The following BMP2K variants were observed in gnomAD, a reference collection of about 807,000 sequenced individuals.
BMP2K encodes the protein BMP-2-inducible protein kinase.
A neutral mutation model predicts 116.0 loss-of-function variants in BMP2K; 74 were observed. The ratio of observed to expected loss-of-function variants is 0.64; its 90% CI spans 0.53 to 0.77. The LOEUF (loss-of-function observed/expected upper bound fraction) is 0.77. BMP2K is among the 30% of genes least tolerant of loss of function. The pLI is 0.00. For missense variants in BMP2K, 1,365 were observed against 1,403.6 expected (o/e 0.97, Z 0.44); for synonymous variants, 486 against 502.5 (o/e 0.97, Z 0.44).
At chr4:78,864,911 A>G (rs1429030568) in intron 9 of BMP2K, among the ~76,000 whole-genome samples, 2 of 152,054 alleles carry the variant, frequency 1.3e-5, no homozygotes, top group Non-Finnish European at 2.9e-5. Flanking sequence ...TTCTCAAATT[A>G]TATTTATTGT....
At chr4:78,776,804 G>C in intron 1 of BMP2K, 83 bp downstream of exon 1, 1 of 1,147,724 alleles carries the variant, frequency 8.7e-7, no homozygotes, top group Non-Finnish European at 1.1e-6. Flanking sequence ...CTCGCCCTCC[G>C]GACTGACTCT....
At chr4:78,895,824 T>C (rs905944535) in intron 15 of BMP2K, among the ~76,000 whole-genome samples, 4 of 152,118 alleles carry the variant, frequency 2.6e-5, no homozygotes, top group African/African-American at 9.7e-5. Flanking sequence ...TGCAGTGGCA[T>C]GATCACGGTT....
At chr4:78,797,109 T>C (rs1418728015) in intron 1 of BMP2K, among the ~76,000 whole-genome samples, 3 of 152,200 alleles carry the variant, frequency 2.0e-5, no homozygotes, top group African/African-American at 7.2e-5. Context: ...ATTGTAATTT[T>C]GGGGAGTCTT....
chr4:78,886,639 A>G (rs1733104262), intron 14 of BMP2K, among the ~76,000 whole-genome samples: 2 of 152,138 alleles, frequency 1.3e-5, no homozygotes, highest in Admixed American at 1.3e-4. Flanking sequence ...TTGTGAGTGT[A>G]CGTGGGGGCA....
At position 78,916,208 on chromosome 4, in the gene BMP2K, TTGCCTTTAC is replaced by T. The variant is rs1560565989; in HGVS notation, c.*4176_*4184del. 2 of 151,968 alleles carry T rather than the reference TTGCCTTTAC, an allele frequency of 1.3e-5. No individual in the cohort carries two copies. The highest frequency in any genetic ancestry group is 1.3e-4 in the Admixed American group (2 of 15,208). 9.4% of individuals were successfully genotyped at this position (151,968 alleles called of 1,614,324 possible). ...AGCACTAACTGATTTTATTACTTTA[TTGCCTTTAC>T]ACTGCTTATTCTTTTTGACTGAATT... is the stretch of plus-strand genomic sequence containing the variant. On this transcript the variant is annotated 3_prime_UTR_variant, in exon 16 of 16. Coordinates refer to ENST00000502613, the MANE Select transcript of BMP2K (RefSeq NM_198892.2).
chr4:78,808,709 C>G (rs1377777349), intron 1 of BMP2K, among the ~76,000 whole-genome samples: 2 of 152,068 alleles, frequency 1.3e-5, no homozygotes, highest in African/African-American at 4.8e-5. Flanking sequence ...GTGATTGCTT[C>G]TTTGATGCAT....
intron 3 of BMP2K, among the ~76,000 whole-genome samples, chr4:78,840,335 C>T (rs1433820176): frequency 1.3e-5 from 2 of 151,886 alleles, no homozygotes; most frequent in African/African-American, 4.8e-5. Context: ...AGAGTGAAAA[C>T]AGAGCTCCCA....
chr4:78,904,548 A>T (rs570933480), intron 15 of BMP2K, among the ~76,000 whole-genome samples: 1 of 152,062 alleles, frequency 6.6e-6, no homozygotes, highest in East Asian at 1.9e-4. Context: ...TTAATAAATT[A>T]CCCAGATCTG....
intron 4 of BMP2K, 41 bp downstream of exon 4, chr4:78,842,568 G>C: frequency 6.7e-7 from 1 of 1,487,364 alleles, no homozygotes; most frequent in Non-Finnish European, 9.1e-7. Context: ...TAATAAGTTG[G>C]AGTTAAAATG....
At chr4:78,816,745 G>A (rs1433602810) in intron 1 of BMP2K, among the ~76,000 whole-genome samples, 1 of 151,978 alleles carries the variant, frequency 6.6e-6, no homozygotes, top group Non-Finnish European at 1.5e-5. Context: ...TTATAATAAA[G>A]CATTTAAAAA....
chr4:78,887,462 G>T (rs1023579885), intron 15 of BMP2K, among the ~76,000 whole-genome samples, 178 bp downstream of exon 15: 1 of 152,050 alleles, frequency 6.6e-6, no homozygotes, highest in Non-Finnish European at 1.5e-5. Context: ...TTATTATTCA[G>T]TTGTATCTTT....
At position 78,886,895 on chromosome 4, in the gene BMP2K, A is replaced by G. The variant is rs1305275398; in HGVS notation, c.1952-279A>G. Among the ~76,000 whole-genome samples the G allele has an allele frequency of 3.3e-5, 5 of 152,194 alleles. No individual in the cohort carries two copies. The East Asian group carries it at 9.6e-4, about 29-fold the overall frequency. Reference sequence around the variant, plus strand: ...AGTTCAGGCCCAAAAGTTGAGGACAAGTAGTATTTAAATGAATCAGACTAA... The same window carrying G: ...AGTTCAGGCCCAAAAGTTGAGGACAGGTAGTATTTAAATGAATCAGACTAA... On this transcript the variant is annotated intron_variant, in intron 14 of 15. Coordinates refer to ENST00000502613, the MANE Select transcript of BMP2K (RefSeq NM_198892.2).
At chr4:78,896,876 A>G (rs1484408071) in intron 15 of BMP2K, among the ~76,000 whole-genome samples, 1 of 152,206 alleles carries the variant, frequency 6.6e-6, no homozygotes, top group Non-Finnish European at 1.5e-5. Flanking sequence ...CTAATGGCCA[A>G]GAGCATGTAC....
At chr4:78,830,431 G>A (rs1730153907) in intron 2 of BMP2K, among the ~76,000 whole-genome samples, 1 of 152,196 alleles carries the variant, frequency 6.6e-6, no homozygotes. Flanking sequence ...GGCAAGGTAA[G>A]CATTGGTTTC....
At chr4:78,871,382 T>C (rs1732347723) in intron 11 of BMP2K, among the ~76,000 whole-genome samples, 1 of 152,172 alleles carries the variant, frequency 6.6e-6, no homozygotes, top group African/African-American at 2.4e-5. Context: ...ATAATGCTAT[T>C]GTTGGAAAGG....
intron 4 of BMP2K, among the ~76,000 whole-genome samples, chr4:78,843,731 T>C (rs1730868939): frequency 6.6e-6 from 1 of 152,018 alleles, no homozygotes; most frequent in African/African-American, 2.4e-5. Context: ...TGTTAGTTCT[T>C]TTGAATATGC....
At chr4:78,859,810 A>G in intron 8 of BMP2K, 123 bp downstream of exon 8, 1 of 658,818 alleles carries the variant, frequency 1.5e-6, no homozygotes. Flanking sequence ...TTGTTTCATG[A>G]CAAGTGATCT....
Position 78,900,655 on chromosome 4 carries a change from C to T in BMP2K, c.2063-9955C>T, listed in dbSNP as rs114016821. On this transcript the variant is annotated intron_variant, in intron 15 of 15. Coordinates refer to ENST00000502613, the MANE Select transcript of BMP2K (RefSeq NM_198892.2). ...ATGATCTTTCTGATTTATTTGTTGC[C>T]TTAGTTTATGATATCATTTCCAGAC... Among the ~76,000 whole-genome samples the T allele has an allele frequency of 6.2e-3, 949 of 152,212 alleles. 12 individuals are homozygous for T. The highest frequency in any genetic ancestry group is 0.022 in the African/African-American group (901 of 41,530).
At chr4:78,791,334 A>AT (rs1727986272) in intron 1 of BMP2K, among the ~76,000 whole-genome samples, 1 of 152,174 alleles carries the variant, frequency 6.6e-6, no homozygotes, top group Non-Finnish European at 1.5e-5. Context: ...CGTATTTGCC[A>AT]TTTACACTGT....
Sources: gnomAD v4.1 joint callset for allele counts (sites outside exome capture counted in the v4.1 genomes callset) on GRCh38, gnomAD v4.1.1 for gene constraint, MANE v1.5 for transcripts, NCBI Gene and HGNC (gene_info 2026-07-23, HGNC 2026-07-21) for gene names.